The following MAB21L4 variants were observed in gnomAD, a reference collection of about 807,000 sequenced individuals.
MAB21L4 encodes protein mab-21-like 4.
In MAB21L4, 25 loss-of-function variants were observed where a neutral mutation model predicts 32.4. That is an observed-to-expected ratio of 0.77 (90% CI 0.56 to 1.08). MAB21L4 has a LOEUF of 1.08. Ranked by LOEUF, MAB21L4 falls within the 50% of genes least tolerant of loss-of-function variation. The probability of loss-of-function intolerance (pLI) is 0.00; values close to 1 mark genes in which losing one functional copy is unlikely to be tolerated. For synonymous variants in MAB21L4, 280 were observed against 276.8 expected, an observed-to-expected ratio of 1.01 and a Z score of -0.11; for missense variants, 638 against 611.0, an observed-to-expected ratio of 1.04 and a Z score of -0.47.
chr2:240,893,406 C>G (rs904366555), intron 1 of MAB21L4, among the ~76,000 whole-genome samples: 1 of 152,164 alleles, frequency 6.6e-6, no homozygotes, highest in Non-Finnish European at 1.5e-5. Flanking sequence ...AGAAGGAGGG[C>G]CCCCCCATGC....
At position 240,895,582 on chromosome 2, in the gene MAB21L4, C is replaced by T. The variant is rs752160505; in HGVS notation, c.416G>A (p.Cys139Tyr). 4.3e-6 allele frequency: 7 copies of T among 1,612,648 alleles called. No homozygotes were observed. The Admixed American group carries it at 5.0e-5, about 12-fold the overall frequency. Residue 139 changes from cysteine (C) to tyrosine (Y), a missense_variant, in exon 1 of 5, where the codon TGC becomes TAC. Physicochemically the swap from Cys to Tyr is radical, Grantham distance 194. Transcript: ENST00000388934. ...CTTGCTGGGCACAATGTGTCCACGG[C>T]ACTTGGCGTCACCCTCCGAGGAGGC... ...FTASSEGDAK[C>Y]RGHIVPSKVL...
intron 3 of MAB21L4, 92 bp downstream of exon 3, chr2:240,889,913 C>A (rs1209180692): frequency 7.0e-7 from 1 of 1,432,592 alleles, no homozygotes. Flanking sequence ...TAGCAGCTGC[C>A]TGCCAGTCAG....
Position 240,888,528 on chromosome 2 carries a change from G to A in MAB21L4, c.1015C>T (p.His339Tyr), listed in dbSNP as rs746812319. 3.0e-5 allele frequency: 49 copies of A among 1,608,168 alleles called. No homozygotes were observed. The highest frequency in any genetic ancestry group is 3.8e-5 in the Non-Finnish European group (45 of 1,179,290). ...LCCLATRKLP[H>Y]FLHPQRNLLQ... ...AGGTTGCGCTGCGGGTGGAGGAAGTGGGGCAGCTTCCGCGTGGCCAGGCAA... is the reference window on the plus strand; with the variant it reads ...AGGTTGCGCTGCGGGTGGAGGAAGTAGGGCAGCTTCCGCGTGGCCAGGCAA... Residue 339 changes from histidine to tyrosine, a missense_variant, in exon 4 of 5, where the codon CAC becomes TAC. By Grantham distance (83) the His-to-Tyr change is moderately conservative (BLOSUM62 2). Coordinates refer to ENST00000388934, the MANE Select transcript of MAB21L4 (RefSeq NM_001085437.3).
rs377398179 is a variant in MAB21L4 at position 240,895,810 on chromosome 2, C to T, written c.188G>A (p.Arg63His). The change falls in exon 1 of 5, where the codon CGT (arginine) becomes CAT (histidine). Residue 63 changes from arginine to histidine, a missense_variant. Physicochemically the swap from Arg to His is conservative, Grantham distance 29 (BLOSUM62 0). Transcript: ENST00000388934. The part of the protein sequence containing the change: ...LDPRFIVDYS[R>H]GLEAFQFALR... ...GGCGAACTGGAAGGCCTCCAGGCCA[C>T]GGGAGTAGTCCACGATGAAGCGGGG... 1.4e-5 allele frequency: 22 copies of T among 1,599,926 alleles called. No homozygotes were observed. In the African/African-American group the frequency reaches 1.7e-4, roughly 13 times the overall value.
In MAB21L4 at chr2:240,895,580, G is replaced by T; in HGVS notation, c.418C>A (p.Arg140Ser). The T allele has an allele frequency of 6.2e-7, 1 of 1,612,576 alleles. No individual in the cohort carries two copies. Among genetic ancestry groups the T allele is most frequent in the East Asian group, 2.2e-5 (1 of 44,854 alleles). Residue 140 changes from arginine (R) to serine (S), a missense_variant, in exon 1 of 5, where the codon CGT becomes AGT. Coordinates refer to ENST00000388934, the MANE Select transcript of MAB21L4 (RefSeq NM_001085437.3). Reference sequence around the variant, plus strand: ...ACCTTGCTGGGCACAATGTGTCCACGGCACTTGGCGTCACCCTCCGAGGAG... The same window carrying T: ...ACCTTGCTGGGCACAATGTGTCCACTGCACTTGGCGTCACCCTCCGAGGAG... ...TASSEGDAKC[R>S]GHIVPSKVLC...
chr2:240,891,712 A>G lies in MAB21L4; in HGVS notation c.566T>C (p.Leu189Pro). ...GATTGTTCTCCAGCCGCTGGACACC[A>G]GCAAGGACAGGTGGAGCTGCTCCTC... is the stretch of plus-strand genomic sequence containing the variant. ...LREEQLHLSL[L>P]VSSGWRTISF... Residue 189 changes from leucine to proline, a missense_variant, in exon 2 of 5, where the codon CTG (leucine) becomes CCG (proline). By Grantham distance (98) the Leu-to-Pro change is moderately conservative. Coordinates refer to ENST00000388934, the MANE Select transcript of MAB21L4 (RefSeq NM_001085437.3). 1 of 1,610,076 alleles carries G rather than the reference A, an allele frequency of 6.2e-7. No homozygotes were observed. The highest frequency in any genetic ancestry group is 2.2e-5 in the East Asian group (1 of 44,886).
chr2:240,890,072 T>C lies in MAB21L4; in HGVS notation c.827A>G (p.Asp276Gly). ...GHRLDSLSIL[D>G]RVNHESWRDS... ...ACGCCAGCTCTCGTGGTTGACCCGG[T>C]CGAGGATGGAGAGGCTGTCCAGGCG... The change falls in exon 3 of 5, where the codon GAC becomes GGC. Residue 276 changes from aspartate to glycine, a missense_variant. Asp to Gly is a moderately conservative substitution (Grantham distance 94). Transcript: ENST00000388934. The C allele has an allele frequency of 1.2e-6, 2 of 1,613,450 alleles. No individual in the cohort carries two copies. The highest frequency in any genetic ancestry group is 1.7e-6 in the Non-Finnish European group (2 of 1,179,716).
chr2:240,889,456 C>T (rs945534669), intron 3 of MAB21L4, among the ~76,000 whole-genome samples: 16 of 152,198 alleles, frequency 1.1e-4, no homozygotes, highest in African/African-American at 3.9e-4. Flanking sequence ...CAGCACAGCC[C>T]CCACCTGCTT....
chr2:240,888,990 C>T (rs2059121935), intron 3 of MAB21L4, among the ~76,000 whole-genome samples: 1 of 148,952 alleles, frequency 6.7e-6, no homozygotes, highest in South Asian at 2.1e-4. Context: ...TCCCTCCGCC[C>T]CTTTGAGCTC....
intron 3 of MAB21L4, 65 bp downstream of exon 3, chr2:240,889,940 A>G: frequency 6.5e-7 from 1 of 1,527,410 alleles, no homozygotes; most frequent in South Asian, 1.3e-5. Flanking sequence ...CAGGAGGGAC[A>G]CGCCTGGGTG....
chr2:240,888,703 C>T, intron 3 of MAB21L4, 55 bp from the exon 4 acceptor site: 1 of 1,273,594 alleles, frequency 7.9e-7, no homozygotes, highest in Non-Finnish European at 1.0e-6. Context: ...CCACCCTGTG[C>T]TCCCACCCTG....
In MAB21L4 at chr2:240,895,468, T is replaced by C. The variant is rs370234155; in HGVS notation, c.514+16A>G. 1.1e-5 allele frequency: 17 copies of C among 1,514,832 alleles called. No homozygotes were observed. The African/African-American group carries it at 2.2e-4, about 20-fold the overall frequency. The allele number at this position is 1,514,832 out of a possible 1,614,324, so 93.8% of individuals were successfully genotyped here. The stretch of plus-strand genomic sequence containing the variant: ...GGTACACGCAGATACGCGTGCAGAG[T>C]GGGCTGTGCCTGTACCTGGTGCGAT... On this transcript the variant is annotated intron_variant, in intron 1 of 4. Transcript: ENST00000388934.
chr2:240,890,952 C>T (rs368462639), intron 2 of MAB21L4, among the ~76,000 whole-genome samples: 3 of 152,198 alleles, frequency 2.0e-5, no homozygotes, highest in African/African-American at 7.2e-5. Context: ...AGGGACATAA[C>T]CAGCTTTGCA....
chr2:240,887,350 C>T (rs932882140), intron 4 of MAB21L4, among the ~76,000 whole-genome samples, 188 bp from the exon 5 acceptor site: 1 of 152,258 alleles, frequency 6.6e-6, no homozygotes, highest in African/African-American at 2.4e-5. Context: ...GCTCCCTGAG[C>T]CCCTCCTCAC....
At position 240,895,864 on chromosome 2, in the gene MAB21L4, G is replaced by A. The variant is rs749141727; in HGVS notation, c.134C>T (p.Thr45Met). 1.9e-5 allele frequency: 29 copies of A among 1,560,384 alleles called. No individual in the cohort carries two copies. The highest frequency in any genetic ancestry group is 1.8e-4 in the Middle Eastern group (1 of 5,622). The change falls in exon 1 of 5, where the codon ACG becomes ATG. Residue 45 changes from threonine (T) to methionine (M), a missense_variant. Thr to Met is a moderately conservative substitution (Grantham distance 81). Transcript: ENST00000388934. ...CAGGGCATGCACGCGCTCCAGCACC[G>A]TGAGCAGCACGTTCTCTGCGCGCTG... ...DFQRAENVLL[T>M]VLERVHALDP... is the part of the protein sequence containing the mutation.
Position 240,888,376 on chromosome 2 carries a change from G to A in MAB21L4, c.1167C>T (p.Gly389=). 6.4e-7 allele frequency: 1 copy of A among 1,567,542 alleles called. No homozygotes were observed. Among genetic ancestry groups the A allele is most frequent in the East Asian group, 2.4e-5 (1 of 42,296 alleles). ...HLGRSPPPRI[G]SGLKALLQLP... Reference sequence around the variant, plus strand: ...GCTGCAGGAGCGCCTTGAGCCCGGAGCCGATGCGCGGCGGGGGGCTGCGGC... The same window carrying A: ...GCTGCAGGAGCGCCTTGAGCCCGGAACCGATGCGCGGCGGGGGGCTGCGGC... Residue 389 remains glycine, a synonymous_variant, in exon 4 of 5, where the codon GGC becomes GGT. Transcript: ENST00000388934.
At chr2:240,890,218 A>C (rs1173583150) in intron 2 of MAB21L4, 60 bp from the exon 3 acceptor site, 32 of 1,545,030 alleles carry the variant, frequency 2.1e-5, no homozygotes, top group Non-Finnish European at 2.6e-5. Context: ...CAGCATGGGG[A>C]GCTTCTGAGC....
rs1459720667 is a variant in MAB21L4, at chr2:240,895,591, T to C, written c.407A>G (p.Asp136Gly). Residue 136 changes from aspartate (D) to glycine (G), a missense_variant, in exon 1 of 5, where the codon GAC (aspartate) becomes GGC (glycine). Coordinates refer to ENST00000388934, the MANE Select transcript of MAB21L4 (RefSeq NM_001085437.3). Reference sequence around the variant, plus strand: ...CACAATGTGTCCACGGCACTTGGCGTCACCCTCCGAGGAGGCAGTGAAGGT... The same window carrying C: ...CACAATGTGTCCACGGCACTTGGCGCCACCCTCCGAGGAGGCAGTGAAGGT... ...EDTFTASSEG[D>G]AKCRGHIVPS... 1 of 1,612,720 alleles carries C rather than the reference T, an allele frequency of 6.2e-7. No homozygotes were observed. The highest frequency in any genetic ancestry group is 1.1e-5 in the South Asian group (1 of 91,022).
In MAB21L4 at chr2:240,895,588, G is replaced by A; in HGVS notation, c.410C>T (p.Ala137Val). ...GGGCACAATGTGTCCACGGCACTTG[G>A]CGTCACCCTCCGAGGAGGCAGTGAA... ...DTFTASSEGD[A>V]KCRGHIVPSK... Residue 137 changes from alanine to valine, a missense_variant, in exon 1 of 5, where the codon GCC becomes GTC. Physicochemically the swap from Ala to Val is moderately conservative, Grantham distance 64. Transcript: ENST00000388934. 6.2e-7 allele frequency: 1 copy of A among 1,612,774 alleles called. No individual in the cohort carries two copies. The highest frequency in any genetic ancestry group is 1.1e-5 in the South Asian group (1 of 91,030).
Sources: gnomAD v4.1 joint callset for allele counts (sites outside exome capture counted in the v4.1 genomes callset) on GRCh38, gnomAD v4.1.1 for gene constraint, MANE v1.5 for transcripts, NCBI Gene and HGNC (gene_info 2026-07-23, HGNC 2026-07-21) for gene names.